GABPB1: variants seen among roughly 807,000 people sequenced by gnomAD.
GABPB1 encodes the protein GA binding protein transcription factor subunit beta 1.
GABPB1 carries 15 observed loss-of-function variants against 45.9 expected under a neutral mutation model. The ratio of observed to expected loss-of-function variants is 0.33; its 90% CI spans 0.22 to 0.50. The LOEUF (loss-of-function observed/expected upper bound fraction) is 0.50, where lower values mean the gene tolerates loss of function less well. Among genes scored for constraint, GABPB1 ranks in the 20% least tolerant of loss-of-function variants. GABPB1 has a pLI of 0.98. For missense variants in GABPB1, 252 were observed against 457.5 expected (o/e 0.55, Z 4.10); for synonymous variants, 143 against 154.4 (o/e 0.93, Z 0.55).
chr15:50,341,068 T>C (rs931365842), intron 1 of GABPB1, among the ~76,000 whole-genome samples: 1 of 151,944 alleles, frequency 6.6e-6, no homozygotes, highest in Admixed American at 6.6e-5. Context: ...TAAATTTGTA[T>C]ATATTTTTTT....
intron 1 of GABPB1, among the ~76,000 whole-genome samples, chr15:50,310,855 G>C (rs1460980959): frequency 1.3e-5 from 2 of 151,666 alleles, no homozygotes; most frequent in Non-Finnish European, 2.9e-5. Context: ...CTCACACCTA[G>C]GGTCCCAGCT....
At chr15:50,329,412 A>T (rs768697988) in intron 1 of GABPB1, among the ~76,000 whole-genome samples, 1 of 152,192 alleles carries the variant, frequency 6.6e-6, no homozygotes, top group South Asian at 2.1e-4. Context: ...ATTGATTCGT[A>T]ATCATTCACA....
chr15:50,318,307 T>C (rs1056694743), intron 1 of GABPB1, among the ~76,000 whole-genome samples: 1 of 152,196 alleles, frequency 6.6e-6, no homozygotes, highest in African/African-American at 2.4e-5. Flanking sequence ...CCTCCAAGGA[T>C]TTAAGTTTAG....
rs1172958203 is a variant in GABPB1, at chr15:50,276,608, G to A, written c.*2024C>T. On this transcript the variant is annotated 3_prime_UTR_variant, in exon 9 of 9. Coordinates refer to ENST00000380877, the MANE Select transcript of GABPB1 (RefSeq NM_016654.5). ...CCAGGTAAAGTCTCCAGCAGGAGAG[G>A]AGACTGGAAGTCAAAGACGACATTA... 6.6e-6 allele frequency: 1 copy of A among 152,220 alleles called. No individual in the cohort carries two copies. Among genetic ancestry groups the A allele is most frequent in the African/African-American group, 2.4e-5 (1 of 41,458 alleles). 9.4% of individuals were successfully genotyped at this position (152,220 alleles called of 1,614,324 possible).
In GABPB1 at chr15:50,310,947, A is replaced by G. The variant is rs772388270; in HGVS notation, c.1-1149T>C. ...AGCCGAGATCATGCCACTGCACTCT[A>G]GCCTGGGCAACAAAGTAAACTCTGT... On this transcript the variant is annotated intron_variant, in intron 1 of 8. Coordinates refer to ENST00000380877, the MANE Select transcript of GABPB1 (RefSeq NM_016654.5). 1.1e-4 allele frequency among the ~76,000 whole-genome samples: 16 copies of G among 149,488 alleles called. 1 individual carries two copies. Among genetic ancestry groups the G allele is most frequent in the Non-Finnish European group, 4.4e-5 (3 of 67,614 alleles).
chr15:50,305,483 C>G (rs1036169094), intron 2 of GABPB1, among the ~76,000 whole-genome samples: 1 of 152,128 alleles, frequency 6.6e-6, no homozygotes, highest in African/African-American at 2.4e-5. Flanking sequence ...TCCAGAGTAG[C>G]TGGGACTACA....
intron 1 of GABPB1, among the ~76,000 whole-genome samples, chr15:50,344,813 G>C (rs933754280): frequency 2.0e-5 from 3 of 151,894 alleles, no homozygotes; most frequent in Admixed American, 1.3e-4. Flanking sequence ...ACTCCAGCTT[G>C]GGCAACAAGA....
intron 1 of GABPB1, among the ~76,000 whole-genome samples, chr15:50,314,825 ATTTTG>A (rs1318936715): frequency 1.3e-5 from 2 of 152,200 alleles, no homozygotes. Context: ...CTATAAATCT[ATTTTG>A]TTTTGTTCAG....
chr15:50,316,708 CTAA>C (rs1351135380), intron 1 of GABPB1, among the ~76,000 whole-genome samples: 4 of 151,842 alleles, frequency 2.6e-5, no homozygotes, highest in Admixed American at 6.6e-5. Context: ...TATATCAATA[CTAA>C]TGTTATTTAA....
At chr15:50,305,319 T>TTTTG (rs137963442) in intron 2 of GABPB1, among the ~76,000 whole-genome samples, 1 of 150,740 alleles carries the variant, frequency 6.6e-6, no homozygotes, top group East Asian at 1.9e-4. Flanking sequence ...TAGATATATT[T>TTTTG]TTTGTTTGTT....
chr15:50,301,089 T>C, intron 5 of GABPB1, 168 bp downstream of exon 5: 5 of 1,037,200 alleles, frequency 4.8e-6, no homozygotes, highest in Non-Finnish European at 5.7e-6. Flanking sequence ...AAAATCTTTT[T>C]GCCAGTTATA....
chr15:50,307,883 C>T (rs1452804284), intron 2 of GABPB1, among the ~76,000 whole-genome samples: 1 of 152,074 alleles, frequency 6.6e-6, no homozygotes, highest in Non-Finnish European at 1.5e-5. Flanking sequence ...ATTATTTCAT[C>T]CCTATTTTTG....
intron 1 of GABPB1, among the ~76,000 whole-genome samples, chr15:50,318,695 G>A (rs1382449549): frequency 6.6e-6 from 1 of 152,110 alleles, no homozygotes; most frequent in Non-Finnish European, 1.5e-5. Context: ...CCAGGAAGGA[G>A]GTCTCCAAGG....
chr15:50,301,199 T>G, intron 5 of GABPB1, 58 bp downstream of exon 5: 2 of 1,601,588 alleles, frequency 1.2e-6, no homozygotes, highest in Non-Finnish European at 1.7e-6. Flanking sequence ...TCCCAAAGCC[T>G]ATCCTATATG....
At chr15:50,322,383 C>A (rs1180612122) in intron 1 of GABPB1, among the ~76,000 whole-genome samples, 5 of 146,276 alleles carry the variant, frequency 3.4e-5, no homozygotes, top group African/African-American at 2.5e-5. Context: ...GTGAAAAATA[C>A]AAAAAAAAAA....
At chr15:50,326,551 G>A (rs35024305) in intron 1 of GABPB1, among the ~76,000 whole-genome samples, 74,657 of 151,854 alleles carry the variant, frequency 0.49, 19,456 homozygotes, top group Middle Eastern at 0.65. Context: ...AGTCCCAGCT[G>A]CTGGGGAGGC....
chr15:50,283,359 A>C (rs900534068), intron 8 of GABPB1, among the ~76,000 whole-genome samples: 2 of 152,108 alleles, frequency 1.3e-5, no homozygotes, highest in African/African-American at 4.8e-5. Context: ...CTCCAAAAAA[A>C]AAAACCTATT....
intron 1 of GABPB1, among the ~76,000 whole-genome samples, chr15:50,320,709 G>A (rs578185564): frequency 4.6e-5 from 7 of 152,300 alleles, no homozygotes; most frequent in African/African-American, 1.7e-4. Context: ...GTAATCACAA[G>A]ACTTCTTATA....
intron 1 of GABPB1, among the ~76,000 whole-genome samples, chr15:50,315,482 C>T (rs2047290573): frequency 6.6e-6 from 1 of 152,100 alleles, no homozygotes; most frequent in Non-Finnish European, 1.5e-5. Flanking sequence ...AAATATTTAT[C>T]ATAAAAAGGT....
Sources: gnomAD v4.1 joint callset for allele counts (sites outside exome capture counted in the v4.1 genomes callset) on GRCh38, gnomAD v4.1.1 for gene constraint, MANE v1.5 for transcripts, NCBI Gene and HGNC (gene_info 2026-07-23, HGNC 2026-07-21) for gene names.